Variants in GRIP1 observed in about 807,000 individuals in gnomAD.
The protein encoded by GRIP1 is glutamate receptor-interacting protein 1.
In GRIP1, 45 loss-of-function variants were observed where a neutral mutation model predicts 129.9. That is an observed-to-expected ratio of 0.35 (90% CI 0.27 to 0.44). GRIP1 has a LOEUF of 0.44. GRIP1 is among the 20% of genes least tolerant of loss of function. The probability of loss-of-function intolerance (pLI) is 1.00; values close to 1 mark genes in which losing one functional copy is unlikely to be tolerated. For missense variants in GRIP1, 1,196 were observed against 1,396.8 expected (o/e 0.86, Z 2.29); for synonymous variants, 530 against 520.8 (o/e 1.02, Z -0.24).
intron 2 of GRIP1, among the ~76,000 whole-genome samples, chr12:66,552,795 T>C (rs780471004): frequency 3.3e-5 from 5 of 152,176 alleles, no homozygotes; most frequent in Non-Finnish European, 5.9e-5. Context: ...TGTCCCTTGT[T>C]TGATGAGACT....
intron 1 of GRIP1, among the ~76,000 whole-genome samples, chr12:66,816,596 T>C (rs1299823481): frequency 1.3e-5 from 2 of 152,220 alleles, no homozygotes; most frequent in African/African-American, 4.8e-5. Context: ...TCTAAGTCCT[T>C]ACTCTTTCAC....
chr12:66,467,538 G>C (rs558106147), intron 7 of GRIP1, among the ~76,000 whole-genome samples: 10 of 152,288 alleles, frequency 6.6e-5, no homozygotes, highest in African/African-American at 2.4e-4. Context: ...TTAGTCAGGA[G>C]ACCCTAGTAA....
At chr12:66,865,635 C>T (rs2040192310) in intron 1 of GRIP1, among the ~76,000 whole-genome samples, 1 of 146,288 alleles carries the variant, frequency 6.8e-6, no homozygotes, top group Admixed American at 6.9e-5. Context: ...AACCATCCAT[C>T]CACCCACCCA....
At chr12:66,378,011 C>T (rs1051550733) in intron 20 of GRIP1, among the ~76,000 whole-genome samples, 4 of 151,718 alleles carry the variant, frequency 2.6e-5, no homozygotes, top group African/African-American at 9.7e-5. Context: ...AAACCAAATG[C>T]TATCAGTTTT....
chr12:66,479,360 C>T (rs2059729925), intron 7 of GRIP1, among the ~76,000 whole-genome samples: 1 of 152,104 alleles, frequency 6.6e-6, no homozygotes, highest in Non-Finnish European at 1.5e-5. Context: ...CCTCCCAAGA[C>T]TAAACCAGGA....
At chr12:66,643,813 C>T (rs1204331487) in intron 1 of GRIP1, among the ~76,000 whole-genome samples, 2 of 152,178 alleles carry the variant, frequency 1.3e-5, no homozygotes, top group Non-Finnish European at 2.9e-5. Flanking sequence ...GTCCTCCTGC[C>T]TCATCCTTCC....
chr12:66,438,204 G>A lies in GRIP1; in HGVS notation c.1688-5576C>T, dbSNP rs908309295. Among the ~76,000 whole-genome samples the A allele has an allele frequency of 2.6e-5, 4 of 152,254 alleles. No individual in the cohort carries two copies. In the South Asian group the frequency reaches 6.2e-4, roughly 24 times the overall value. On this transcript the variant is annotated intron_variant, in intron 13 of 24. Coordinates refer to ENST00000359742, the MANE Select transcript of GRIP1 (RefSeq NM_001366722.1). ...TTCCGTGGTCACAGCTGACTAGAAG[G>A]GTAGGATACCAAACCTAAGCTGGGC...
chr12:66,614,612 C>T (rs1219200419), intron 1 of GRIP1, among the ~76,000 whole-genome samples: 2 of 152,120 alleles, frequency 1.3e-5, no homozygotes, highest in Admixed American at 1.3e-4. Flanking sequence ...GCATGCATGA[C>T]TGCTGAAGTT....
chr12:66,361,505 A>G (rs915800454), intron 23 of GRIP1, among the ~76,000 whole-genome samples: 8 of 152,162 alleles, frequency 5.3e-5, no homozygotes, highest in African/African-American at 9.7e-5. Flanking sequence ...TCACACATCT[A>G]CTGGTTCACA....
At chr12:66,799,622 C>T (rs897629299) in intron 1 of GRIP1, among the ~76,000 whole-genome samples, 4 of 152,108 alleles carry the variant, frequency 2.6e-5, no homozygotes, top group African/African-American at 7.2e-5. Flanking sequence ...GGCAAGACTC[C>T]CTTTGATTAT....
chr12:66,811,718 C>T (rs1314498174), intron 1 of GRIP1, among the ~76,000 whole-genome samples: 1 of 151,964 alleles, frequency 6.6e-6, no homozygotes, highest in Non-Finnish European at 1.5e-5. Context: ...AGTCTACTTA[C>T]TTTAAGTTAT....
chr12:66,903,520 C>CA (rs148731850), intron 1 of GRIP1, among the ~76,000 whole-genome samples: 6,974 of 151,434 alleles, frequency 0.046, 222 homozygotes, highest in Middle Eastern at 0.075. Context: ...AGAATATCTC[C>CA]AAAAAAAATA....
intron 1 of GRIP1, among the ~76,000 whole-genome samples, chr12:66,758,610 A>G (rs1168845208): frequency 6.6e-6 from 1 of 152,194 alleles, no homozygotes; most frequent in Non-Finnish European, 1.5e-5. Context: ...GAGACAAGGC[A>G]AGTCCCTTCT....
chr12:66,658,124 A>G (rs1344669466), intron 1 of GRIP1, among the ~76,000 whole-genome samples: 1 of 152,182 alleles, frequency 6.6e-6, no homozygotes, highest in Non-Finnish European at 1.5e-5. Flanking sequence ...AAATAAACAT[A>G]TATATAAGAA....
At chr12:66,903,454 C>T (rs1280779360) in intron 1 of GRIP1, among the ~76,000 whole-genome samples, 3 of 152,030 alleles carry the variant, frequency 2.0e-5, no homozygotes, top group African/African-American at 4.8e-5. Context: ...TTATGTCCTA[C>T]TCCTCACCTA....
chr12:67,064,751 AT>A (rs966008435), intron 1 of GRIP1, among the ~76,000 whole-genome samples: 3 of 151,480 alleles, frequency 2.0e-5, no homozygotes, highest in Non-Finnish European at 2.9e-5. Flanking sequence ...TCTCATAGAT[AT>A]TTTTTTATTA....
chr12:66,428,251 A>G (rs2058046042), intron 14 of GRIP1, among the ~76,000 whole-genome samples: 1 of 152,174 alleles, frequency 6.6e-6, no homozygotes, highest in African/African-American at 2.4e-5. Flanking sequence ...TACATCATAC[A>G]TGGTAAGTAA....
At position 66,769,535 on chromosome 12, in the gene GRIP1, T is replaced by C. The variant is rs570313795; in HGVS notation, c.-420+34518A>G. Among the ~76,000 whole-genome samples, 7 of 152,268 alleles carry C rather than the reference T, an allele frequency of 4.6e-5. No individual in the cohort carries two copies. The South Asian group carries it at 1.5e-3, about 32-fold the overall frequency. On this transcript the variant is annotated intron_variant, in intron 1 of 4. Transcript: ENST00000538373. ...ATTCCCTGTGGTGAGGAATCTTCAC[T>C]GCATTATTCTGTGGGCCAGGGGACA...
At chr12:66,515,517 C>T in intron 7 of GRIP1, 102 bp downstream of exon 7, 1 of 1,045,200 alleles carries the variant, frequency 9.6e-7, no homozygotes, top group Non-Finnish European at 1.5e-6. Context: ...TCTGTCTGCT[C>T]CAGGAGGGCA....
Sources: gnomAD v4.1 joint callset for allele counts (sites outside exome capture counted in the v4.1 genomes callset) on GRCh38, gnomAD v4.1.1 for gene constraint, MANE v1.5 for transcripts, NCBI Gene and HGNC (gene_info 2026-07-23, HGNC 2026-07-21) for gene names.